Variants in LDAF1 observed in about 807,000 individuals in gnomAD.
LDAF1 encodes PROMETHIN.
LDAF1 carries 7 observed loss-of-function variants against 13.5 expected under a neutral mutation model. That is an observed-to-expected ratio of 0.52 (90% CI 0.29 to 0.97). The LOEUF (loss-of-function observed/expected upper bound fraction) is 0.97, where lower values mean the gene tolerates loss of function less well. Ranked by LOEUF, LDAF1 falls within the 50% of genes least tolerant of loss-of-function variation. The pLI is 0.07. For missense variants in LDAF1, 148 were observed against 193.2 expected, an observed-to-expected ratio of 0.77 and a Z score of 1.39; for synonymous variants, 69 against 77.1, an observed-to-expected ratio of 0.89 and a Z score of 0.55.
intron 3 of LDAF1, chr16:21,172,634 A>C (rs933335413): frequency 7.8e-5 from 12 of 153,926 alleles, no homozygotes; most frequent in African/African-American, 2.6e-4. Flanking sequence ...CTCTTAAAAA[A>C]AGAAAAAAGA....
chr16:21,159,157 A>AC (rs1402557281), intron 1 of LDAF1, among the ~76,000 whole-genome samples: 1 of 151,270 alleles, frequency 6.6e-6, no homozygotes, highest in African/African-American at 2.4e-5. Context: ...CTTCCTCACC[A>AC]CCCAGCCCCT....
intron 4 of LDAF1, 123 bp downstream of exon 4, chr16:21,174,271 C>A: frequency 2.3e-6 from 2 of 873,602 alleles, no homozygotes; most frequent in Non-Finnish European, 3.3e-6. Flanking sequence ...CTCGCTACAG[C>A]CTCAACCTCC....
At position 21,161,075 on chromosome 16, in the gene LDAF1, C is replaced by T; in HGVS notation, c.-98-10C>T. ...AGACCACTAACGGCTTTTGTTTCCT[C>T]TGGTAACAGCAAGAGACAGAGCGAC... On this transcript the variant is annotated splice_polypyrimidine_tract_variant and intron_variant, in intron 1 of 4. Transcript: ENST00000233047. 6.6e-7 allele frequency: 1 copy of T among 1,508,378 alleles called. No individual in the cohort carries two copies. 93.4% of individuals were successfully genotyped at this position (1,508,378 alleles called of 1,614,324 possible). A position where few individuals can be genotyped will look rare whatever the true frequency, so the allele number is the denominator to read the frequency against.
intron 4 of LDAF1, among the ~76,000 whole-genome samples, chr16:21,175,319 T>G (rs1192002264): frequency 6.6e-6 from 1 of 152,142 alleles, no homozygotes; most frequent in East Asian, 1.9e-4. Context: ...CTTTCTATTA[T>G]AAGGAAAATT....
At chr16:21,178,245 G>A (rs2093156627) in intron 4 of LDAF1, 1 of 985,214 alleles carries the variant, frequency 1.0e-6, no homozygotes, top group Non-Finnish European at 1.2e-6. Context: ...AGGGCCTGCA[G>A]CTCAGGAGAA....
intron 4 of LDAF1, among the ~76,000 whole-genome samples, chr16:21,174,602 C>T (rs1687157890): frequency 6.6e-6 from 1 of 152,088 alleles, no homozygotes; most frequent in Admixed American, 6.5e-5. Flanking sequence ...CTCATAGTTC[C>T]CCATGTATGC....
Position 21,163,841 on chromosome 16 carries a change from G to A in LDAF1, c.96+2563G>A, listed in dbSNP as rs539083985. Among the ~76,000 whole-genome samples, 5 of 136,292 alleles carry A rather than the reference G, an allele frequency of 3.7e-5. No individual in the cohort carries two copies. In the East Asian group the frequency reaches 6.8e-4, roughly 18 times the overall value. The allele number at this position is 136,292 out of a possible 152,430, so 89.4% of individuals were successfully genotyped here. A position where few individuals can be genotyped will look rare whatever the true frequency, so the allele number is the denominator to read the frequency against. On this transcript the variant is annotated intron_variant, in intron 2 of 4. Coordinates refer to ENST00000233047, the MANE Select transcript of LDAF1 (RefSeq NM_001301771.2). Reference sequence around the variant, plus strand: ...CTGTCTGAACTTAGTTAATAGTCACGTTCACCTGCCTTTTTTGTTTGTTTG... The same window carrying A: ...CTGTCTGAACTTAGTTAATAGTCACATTCACCTGCCTTTTTTGTTTGTTTG...
At position 21,179,870 on chromosome 16, in the gene LDAF1, A is replaced by T. The variant is rs937059326; in HGVS notation, c.*314A>T. On this transcript the variant is annotated 3_prime_UTR_variant, in exon 5 of 5. Coordinates refer to ENST00000233047, the MANE Select transcript of LDAF1 (RefSeq NM_001301771.2). ...CGTTGACCCCAAAGCCTCAGGGCTT[A>T]TGTCCAACGGTCCCATTGGGAGCAA... 1 of 240,352 alleles carries T rather than the reference A, an allele frequency of 4.2e-6. No individual in the cohort carries two copies. Among genetic ancestry groups the T allele is most frequent in the African/African-American group, 2.3e-5 (1 of 44,068 alleles). The allele number at this position is 240,352 out of a possible 1,614,324, so 14.9% of individuals were successfully genotyped here.
chr16:21,159,437 C>T (rs1005071143), intron 1 of LDAF1: 18 of 1,613,662 alleles, frequency 1.1e-5, no homozygotes, highest in East Asian at 6.7e-5. Context: ...CCCTGTAGCT[C>T]CCATCCCCCA....
intron 2 of LDAF1, chr16:21,167,030 G>A (rs907905490): frequency 3.2e-6 from 3 of 933,094 alleles, no homozygotes; most frequent in African/African-American, 1.6e-5. Flanking sequence ...ATGCCGTCCT[G>A]TGGCCTGGCA....
chr16:21,167,538 C>G lies in LDAF1; in HGVS notation c.97-2899C>G, dbSNP rs146689871. 1.0e-3 allele frequency among the ~76,000 whole-genome samples: 157 copies of G among 152,180 alleles called. 3 individuals are homozygous for G. The East Asian group carries it at 0.03, about 29-fold the overall frequency. ...GTCAGATCGAAAATTCCTTTTTGCC[C>G]GGTGAAGGAAAATAAACTATTAACA... On this transcript the variant is annotated intron_variant, in intron 2 of 4. Coordinates refer to ENST00000233047, the MANE Select transcript of LDAF1 (RefSeq NM_001301771.2).
intron 2 of LDAF1, among the ~76,000 whole-genome samples, chr16:21,164,907 C>T (rs2093009357): frequency 6.6e-6 from 1 of 152,170 alleles, no homozygotes; most frequent in Non-Finnish European, 1.5e-5. Flanking sequence ...TTTTTACCTA[C>T]CTCGTAGCAT....
intron 3 of LDAF1, among the ~76,000 whole-genome samples, chr16:21,171,592 G>A (rs1054373124): frequency 6.6e-6 from 1 of 152,170 alleles, no homozygotes; most frequent in Non-Finnish European, 1.5e-5. Flanking sequence ...TTACATTTTG[G>A]TGGTACCATG....
intron 4 of LDAF1, among the ~76,000 whole-genome samples, chr16:21,177,619 CTTT>C (rs1025169859): frequency 3.5e-5 from 4 of 115,870 alleles, no homozygotes; most frequent in African/African-American, 6.5e-5. Flanking sequence ...TTAGCGAATT[CTTT>C]TTTTTTTTTT....
chr16:21,159,725 G>C (rs1441272432), intron 1 of LDAF1, among the ~76,000 whole-genome samples: 1 of 152,226 alleles, frequency 6.6e-6, no homozygotes, highest in Non-Finnish European at 1.5e-5. Flanking sequence ...TGGCCAGGTA[G>C]ACGCATTTGA....
chr16:21,175,734 ACTC>A (rs1368879112), intron 4 of LDAF1, among the ~76,000 whole-genome samples: 1 of 152,166 alleles, frequency 6.6e-6, no homozygotes, highest in African/African-American at 2.4e-5. Context: ...CAGCCCTTGA[ACTC>A]CTTACCAAAA....
At chr16:21,169,205 T>C (rs1318983015) in intron 2 of LDAF1, 1 of 983,132 alleles carries the variant, frequency 1.0e-6, no homozygotes, top group East Asian at 1.1e-4. Flanking sequence ...ACAAGTGACT[T>C]AGTTCATTGC....
At chr16:21,172,048 A>C (rs1285274971) in intron 3 of LDAF1, among the ~76,000 whole-genome samples, 1 of 151,898 alleles carries the variant, frequency 6.6e-6, no homozygotes, top group African/African-American at 2.4e-5. Flanking sequence ...CCAAGTGTGT[A>C]TAAATCTTAC....
At chr16:21,159,248 T>C in intron 1 of LDAF1, 1 of 1,285,358 alleles carries the variant, frequency 7.8e-7, no homozygotes, top group South Asian at 1.2e-5. Flanking sequence ...CCCAAATTAA[T>C]AACTAAGTAC....
Sources: gnomAD v4.1 joint callset for allele counts (sites outside exome capture counted in the v4.1 genomes callset) on GRCh38, gnomAD v4.1.1 for gene constraint, MANE v1.5 for transcripts, NCBI Gene and HGNC (gene_info 2026-07-23, HGNC 2026-07-21) for gene names.